Variants in CSMD1 observed in about 807,000 individuals in gnomAD.
CSMD1 encodes the protein CUB and sushi domain-containing protein 1.
In CSMD1, 213 loss-of-function variants were observed where a neutral mutation model predicts 417.5. The observed-to-expected ratio is 0.51, with a 90% CI of 0.46 to 0.57. The LOEUF is 0.57. CSMD1 is among the 20% of genes least tolerant of loss of function. The pLI is 0.00. For missense variants in CSMD1, 6,923 were observed against 4,529.7 expected (o/e 1.53, Z -15.17); for synonymous variants, 2,862 against 1,736.8 (o/e 1.65, Z -16.11).
chr8:4,199,052 C>T (rs1799501083), intron 3 of CSMD1, among the ~76,000 whole-genome samples: 1 of 152,130 alleles, frequency 6.6e-6, no homozygotes, highest in South Asian at 2.1e-4. Flanking sequence ...TCATCCTCTG[C>T]AGTCTGGCAA....
At chr8:3,287,197 T>TACC (rs1440804060) in intron 25 of CSMD1, among the ~76,000 whole-genome samples, 17 of 129,202 alleles carry the variant, frequency 1.3e-4, no homozygotes, top group African/African-American at 1.1e-4. Context: ...CTGTTTTGGT[T>TACC]ACTGTAGCCT....
At chr8:3,403,385 G>A (rs570992071) in intron 15 of CSMD1, among the ~76,000 whole-genome samples, 3 of 152,142 alleles carry the variant, frequency 2.0e-5, no homozygotes, top group South Asian at 2.1e-4. Context: ...CGGGGTACCC[G>A]CCTGTTCCAT....
chr8:4,267,720 G>T (rs886276994), intron 3 of CSMD1, among the ~76,000 whole-genome samples: 6 of 152,036 alleles, frequency 3.9e-5, no homozygotes, highest in Admixed American at 3.9e-4. Context: ...CCTCACCAAA[G>T]TTCTGAAGAT....
intron 3 of CSMD1, among the ~76,000 whole-genome samples, chr8:4,118,339 T>C (rs1255327718): frequency 2.0e-5 from 3 of 151,664 alleles, no homozygotes; most frequent in African/African-American, 4.8e-5. Context: ...ATAGAAGCTT[T>C]GCAATCTACC....
chr8:3,363,947 T>C (rs778330414), intron 20 of CSMD1, among the ~76,000 whole-genome samples: 24 of 152,198 alleles, frequency 1.6e-4, no homozygotes, highest in Non-Finnish European at 2.4e-4. Context: ...TTCTACAATA[T>C]TACCGTTAAC....
chr8:3,575,337 C>T (rs527609865), intron 9 of CSMD1, among the ~76,000 whole-genome samples: 6 of 152,224 alleles, frequency 3.9e-5, no homozygotes, highest in South Asian at 2.1e-4. Flanking sequence ...TAACAGATGA[C>T]AGCCTCATGT....
chr8:3,606,932 G>C (rs777674565), intron 8 of CSMD1, among the ~76,000 whole-genome samples: 3 of 151,902 alleles, frequency 2.0e-5, no homozygotes, highest in Non-Finnish European at 1.5e-5. Flanking sequence ...GGATGGTCTC[G>C]ATCTCTTAAT....
At chr8:4,387,388 A>T (rs1470706461) in intron 3 of CSMD1, among the ~76,000 whole-genome samples, 3 of 152,052 alleles carry the variant, frequency 2.0e-5, no homozygotes, top group African/African-American at 7.2e-5. Flanking sequence ...TTAAATAATC[A>T]TGGAAAATAT....
intron 10 of CSMD1, among the ~76,000 whole-genome samples, chr8:3,524,401 C>A (rs535611832): frequency 4.1e-5 from 6 of 144,752 alleles, no homozygotes; most frequent in African/African-American, 1.3e-4. Flanking sequence ...ACATGCACAC[C>A]CAGACATATG....
At chr8:4,036,648 T>A (rs1031061378) in intron 3 of CSMD1, among the ~76,000 whole-genome samples, 14 of 152,216 alleles carry the variant, frequency 9.2e-5, no homozygotes, top group African/African-American at 3.4e-4. Context: ...AAACTAGACA[T>A]CAATGGAGAG....
intron 39 of CSMD1, among the ~76,000 whole-genome samples, chr8:3,152,886 C>T (rs766515748): frequency 6.6e-6 from 1 of 152,158 alleles, no homozygotes; most frequent in Non-Finnish European, 1.5e-5. Context: ...ATACATTTAG[C>T]AGTAACACCC....
chr8:4,192,580 C>T (rs920985949), intron 3 of CSMD1, among the ~76,000 whole-genome samples: 3 of 152,174 alleles, frequency 2.0e-5, no homozygotes, highest in Admixed American at 6.5e-5. Flanking sequence ...GTATTTTACT[C>T]TTCATCAGCT....
At chr8:4,990,513 G>A (rs368774262) in intron 1 of CSMD1, among the ~76,000 whole-genome samples, 3 of 152,098 alleles carry the variant, frequency 2.0e-5, no homozygotes, top group East Asian at 3.9e-4. Flanking sequence ...ACAGGCATGC[G>A]CCACCACGCC....
rs1585070771 is a variant in CSMD1 at position 4,235,010 on chromosome 8, T to C, written c.415+184943A>G. On this transcript the variant is annotated intron_variant, in intron 3 of 69. Coordinates refer to ENST00000635120, the MANE Select transcript of CSMD1 (RefSeq NM_033225.6). ...TTTATCCCAAAAGCTCTAAATACCATCGTATTGGTGGGAGTTAAGTCTTCA... is the reference window on the plus strand; with the variant it reads ...TTTATCCCAAAAGCTCTAAATACCACCGTATTGGTGGGAGTTAAGTCTTCA... Among the ~76,000 whole-genome samples the C allele has an allele frequency of 2.0e-5, 3 of 152,222 alleles. No individual in the cohort carries two copies. In the South Asian group the frequency reaches 6.2e-4, roughly 32 times the overall value.
At chr8:4,464,673 A>G (rs1800049380) in intron 2 of CSMD1, among the ~76,000 whole-genome samples, 2 of 152,132 alleles carry the variant, frequency 1.3e-5, no homozygotes, top group African/African-American at 4.8e-5. Context: ...CCTGTAGTCA[A>G]TCCTGTAATA....
At chr8:4,761,720 A>C (rs1167441495) in intron 1 of CSMD1, among the ~76,000 whole-genome samples, 1 of 152,124 alleles carries the variant, frequency 6.6e-6, no homozygotes, top group Non-Finnish European at 1.5e-5. Context: ...TTTATTCTGA[A>C]GTAATGAATT....
chr8:3,094,084 T>G (rs1009056517), intron 47 of CSMD1, among the ~76,000 whole-genome samples: 9 of 28,056 alleles, frequency 3.2e-4, no homozygotes, highest in Admixed American at 6.8e-4. Context: ...AGTTTTAGGG[T>G]TTTTTTTATT....
chr8:4,662,220 G>C (rs1020481615), intron 1 of CSMD1, among the ~76,000 whole-genome samples: 2 of 152,048 alleles, frequency 1.3e-5, no homozygotes, highest in Non-Finnish European at 2.9e-5. Context: ...GCAAAGTTAT[G>C]CTATAATGAT....
chr8:3,586,342 G>A (rs2117000575), intron 8 of CSMD1, 82 bp from the exon 9 acceptor site: 3 of 1,320,104 alleles, frequency 2.3e-6, no homozygotes, highest in East Asian at 2.5e-5. Flanking sequence ...TCAGCAAAAT[G>A]GCTGCTACGA....
Sources: allele counts gnomAD v4.1 joint callset (sites outside exome capture counted in the v4.1 genomes callset), GRCh38; gene constraint gnomAD v4.1.1; transcripts MANE v1.5; gene names NCBI Gene and HGNC (gene_info 2026-07-23, HGNC 2026-07-21).